MYO1D: variants seen among roughly 807,000 people sequenced by gnomAD.
The protein encoded by MYO1D is unconventional myosin-Id.
Under a neutral mutation model 122.0 loss-of-function variants are expected in MYO1D, and 83 were observed. The ratio of observed to expected loss-of-function variants is 0.68; its 90% CI spans 0.57 to 0.82. The LOEUF (loss-of-function observed/expected upper bound fraction) is 0.82, where lower values mean the gene tolerates loss of function less well. Ranked by LOEUF, MYO1D falls within the 40% of genes least tolerant of loss-of-function variation. The pLI, the probability that MYO1D is intolerant of heterozygous loss-of-function variation, is 0.00. For synonymous variants in MYO1D, 464 were observed against 446.9 expected, an observed-to-expected ratio of 1.04 and a Z score of -0.48; for missense variants, 1,157 against 1,269.5, an observed-to-expected ratio of 0.91 and a Z score of 1.35.
intron 1 of MYO1D, among the ~76,000 whole-genome samples, chr17:32,795,638 T>TC (rs1381231939): frequency 6.6e-6 from 1 of 152,218 alleles, no homozygotes; most frequent in East Asian, 1.9e-4. Flanking sequence ...TGTAAGATTC[T>TC]CCCCGGGGCC....
chr17:32,548,284 C>T (rs1294790838), intron 21 of MYO1D, among the ~76,000 whole-genome samples: 1 of 151,866 alleles, frequency 6.6e-6, no homozygotes, highest in African/African-American at 2.4e-5. Flanking sequence ...AAAAAATTAA[C>T]TGGGCATGGT....
intron 21 of MYO1D, chr17:32,495,490 T>TGCAGGGAACCCTGTGCA (rs1286879527): frequency 6.6e-6 from 1 of 152,300 alleles, no homozygotes; most frequent in Non-Finnish European, 1.5e-5. Context: ...CACCGGGGGC[T>TGCAGGGAACCCTGTGCA]GCAGGGAACC....
chr17:32,650,363 A>C (rs1377535890), intron 19 of MYO1D, among the ~76,000 whole-genome samples: 1 of 152,184 alleles, frequency 6.6e-6, no homozygotes, highest in African/African-American at 2.4e-5. Flanking sequence ...GTTACAATTT[A>C]CCGTAGTATA....
chr17:32,726,176 T>TGG (rs1213361747), intron 14 of MYO1D, among the ~76,000 whole-genome samples: 1 of 152,176 alleles, frequency 6.6e-6, no homozygotes, highest in Non-Finnish European at 1.5e-5. Context: ...CCCAGCACTT[T>TGG]GGGAGGCCAA....
At chr17:32,739,637 A>G (rs576964150) in intron 13 of MYO1D, among the ~76,000 whole-genome samples, 1 of 151,402 alleles carries the variant, frequency 6.6e-6, no homozygotes, top group South Asian at 2.1e-4. Context: ...AACTAAAAGT[A>G]TAATAAAAAA....
chr17:32,521,779 C>T (rs1016534723), intron 21 of MYO1D, among the ~76,000 whole-genome samples: 1 of 151,776 alleles, frequency 6.6e-6, no homozygotes, highest in Non-Finnish European at 1.5e-5. Flanking sequence ...GAAAACTCTT[C>T]TCTACTAAAA....
chr17:32,747,075 C>T (rs1261364823), intron 12 of MYO1D, among the ~76,000 whole-genome samples: 1 of 151,944 alleles, frequency 6.6e-6, no homozygotes, highest in African/African-American at 2.4e-5. Flanking sequence ...GGGAACAGGA[C>T]CAGAAAAAGT....
intron 21 of MYO1D, among the ~76,000 whole-genome samples, chr17:32,522,350 G>A (rs1375569494): frequency 1.3e-5 from 2 of 152,152 alleles, no homozygotes; most frequent in African/African-American, 4.8e-5. Flanking sequence ...TATAATGAAA[G>A]CCTTTTCACC....
At chr17:32,691,779 T>C (rs2089104727) in intron 16 of MYO1D, among the ~76,000 whole-genome samples, 1 of 152,196 alleles carries the variant, frequency 6.6e-6, no homozygotes, top group Admixed American at 6.5e-5. Flanking sequence ...TCTAGAGGTA[T>C]AATTGCTGGA....
At chr17:32,514,854 C>T (rs1165324748) in intron 21 of MYO1D, among the ~76,000 whole-genome samples, 1 of 152,172 alleles carries the variant, frequency 6.6e-6, no homozygotes, top group East Asian at 1.9e-4. Context: ...AGGAATGTTG[C>T]TTAATCAAAA....
At chr17:32,675,173 T>C (rs1037314406) in intron 16 of MYO1D, among the ~76,000 whole-genome samples, 5 of 152,220 alleles carry the variant, frequency 3.3e-5, no homozygotes, top group East Asian at 1.9e-4. Context: ...TTTGGGTGCA[T>C]GGTTTATCAT....
intron 16 of MYO1D, among the ~76,000 whole-genome samples, chr17:32,675,932 C>G (rs1305105715): frequency 6.6e-6 from 1 of 152,114 alleles, no homozygotes; most frequent in Non-Finnish European, 1.5e-5. Context: ...CTTGATATAT[C>G]AGAAATATTT....
chr17:32,494,718 T>G lies in MYO1D; in HGVS notation c.*41A>C. ...CAGCAGCTGGACTGGGACCCAGGAC[T>G]CGGAGTGTGGCCGGGCTCCGGGCCA... On this transcript the variant is annotated 3_prime_UTR_variant, in exon 22 of 22. Coordinates refer to ENST00000318217, the MANE Select transcript of MYO1D (RefSeq NM_015194.3). The G allele has an allele frequency of 6.5e-7, 1 of 1,543,260 alleles. No individual in the cohort carries two copies. The highest frequency in any genetic ancestry group is 8.7e-7 in the Non-Finnish European group (1 of 1,146,822).
At chr17:32,732,690 C>T (rs928786408) in intron 14 of MYO1D, among the ~76,000 whole-genome samples, 13 of 152,206 alleles carry the variant, frequency 8.5e-5, no homozygotes, top group African/African-American at 3.1e-4. Context: ...CCTCATTCTT[C>T]CTGGACACAG....
At chr17:32,726,647 T>G (rs1397164275) in intron 14 of MYO1D, among the ~76,000 whole-genome samples, 2 of 149,446 alleles carry the variant, frequency 1.3e-5, no homozygotes, top group African/African-American at 4.9e-5. Flanking sequence ...ATAGATCATA[T>G]AGGTATAAAT....
intron 10 of MYO1D, among the ~76,000 whole-genome samples, chr17:32,759,092 A>C (rs967679878): frequency 3.3e-5 from 5 of 152,170 alleles, no homozygotes; most frequent in Non-Finnish European, 7.4e-5. Context: ...ATATTATACA[A>C]CAGTTTCATT....
intron 21 of MYO1D, among the ~76,000 whole-genome samples, chr17:32,515,999 T>C (rs924850349): frequency 6.6e-6 from 1 of 152,246 alleles, no homozygotes; most frequent in Non-Finnish European, 1.5e-5. Context: ...CACACTTTCA[T>C]GCTGGTAATG....
chr17:32,654,676 C>T (rs763484202), intron 17 of MYO1D, 55 bp from the exon 18 acceptor site: 3 of 1,430,030 alleles, frequency 2.1e-6, no homozygotes, highest in South Asian at 2.9e-5. Context: ...CCCATGCATT[C>T]TCTCTCTCTT....
At chr17:32,679,607 C>T (rs1036170614) in intron 16 of MYO1D, among the ~76,000 whole-genome samples, 5 of 152,208 alleles carry the variant, frequency 3.3e-5, no homozygotes, top group Admixed American at 1.3e-4. Flanking sequence ...CTATTCTGTT[C>T]CATTGATCTA....
Sources: gnomAD v4.1 joint callset for allele counts (sites outside exome capture counted in the v4.1 genomes callset) on GRCh38, gnomAD v4.1.1 for gene constraint, MANE v1.5 for transcripts, NCBI Gene and HGNC (gene_info 2026-07-23, HGNC 2026-07-21) for gene names.